The following TBC1D19 variants were observed in gnomAD, a reference collection of about 807,000 sequenced individuals.
The protein encoded by TBC1D19 is TBC1 domain family member 19, also known as TBC1 domain family, member 19.
TBC1D19 carries 60 observed loss-of-function variants against 89.0 expected under a neutral mutation model. That is an observed-to-expected ratio of 0.67 (90% CI 0.55 to 0.84). TBC1D19 has a LOEUF of 0.84. Ranked by LOEUF, TBC1D19 falls within the 40% of genes least tolerant of loss-of-function variation. The pLI, the probability that TBC1D19 is intolerant of heterozygous loss-of-function variation, is 0.00. For synonymous variants in TBC1D19, 189 were observed against 199.7 expected (o/e 0.95, Z 0.45); for missense variants, 500 against 610.8 (o/e 0.82, Z 1.91).
chr4:26,653,470 G>A (rs897064689), intron 7 of TBC1D19, among the ~76,000 whole-genome samples: 3 of 152,082 alleles, frequency 2.0e-5, no homozygotes, highest in Admixed American at 6.6e-5. Context: ...GTTGACAGTG[G>A]GGTGTTAAAG....
the TBC1D19 span, among the ~76,000 whole-genome samples, chr4:26,835,861 T>C: frequency 1.2e-4 from 19 of 152,306 alleles, no homozygotes; most frequent in African/African-American, 4.6e-4. Flanking sequence ...TGTTCTGTGA[T>C]GCCTATTTTC....
chr4:26,629,061 C>G (rs1742623135), intron 4 of TBC1D19, among the ~76,000 whole-genome samples: 1 of 152,020 alleles, frequency 6.6e-6, no homozygotes, highest in African/African-American at 2.4e-5. Flanking sequence ...TCTTCCCCAA[C>G]CTGCCATGCA....
At position 26,648,895 on chromosome 4, in the gene TBC1D19, G is replaced by A. The variant is rs564574844; in HGVS notation, c.480+8708G>A. On this transcript the variant is annotated intron_variant, in intron 7 of 20. Transcript: ENST00000264866. ...TCGTAACATTGTTTCTTTGAGGACA[G>A]TTCCTTAATTGATCTTTTATTACTC... Among the ~76,000 whole-genome samples the A allele has an allele frequency of 6.2e-4, 95 of 152,102 alleles. 2 individuals carry two copies. The highest frequency in any genetic ancestry group is 2.1e-3 in the African/African-American group (88 of 41,558).
At chr4:26,837,328 T>A in the TBC1D19 span, among the ~76,000 whole-genome samples, 1 of 152,116 alleles carries the variant, frequency 6.6e-6, no homozygotes, top group South Asian at 2.1e-4. Flanking sequence ...GTGAGTGTGA[T>A]GAGTTGGAAA....
chr4:26,804,956 A>G, the TBC1D19 span, among the ~76,000 whole-genome samples: 330 of 152,324 alleles, frequency 2.2e-3, no homozygotes, highest in African/African-American at 7.5e-3. Context: ...AGTCAGCCCC[A>G]GACAATAAAG....
chr4:26,683,768 A>T lies in TBC1D19; in HGVS notation c.891+19A>T. ...CTATAAAGTAAGTAAAAGTCAGCTTAGTTTTTCCTTTTCATTAATATAATT... is the reference window on the plus strand; with the variant it reads ...CTATAAAGTAAGTAAAAGTCAGCTTTGTTTTTCCTTTTCATTAATATAATT... On this transcript the variant is annotated intron_variant, in intron 12 of 20. Transcript: ENST00000264866. The T allele has an allele frequency of 6.3e-7, 1 of 1,593,254 alleles. No homozygotes were observed. The highest frequency in any genetic ancestry group is 8.5e-7 in the Non-Finnish European group (1 of 1,169,924).
chr4:26,622,458 C>G (rs1168372615), intron 4 of TBC1D19, among the ~76,000 whole-genome samples: 1 of 151,960 alleles, frequency 6.6e-6, no homozygotes, highest in Non-Finnish European at 1.5e-5. Context: ...TTAGAGCTTA[C>G]TGCTAGCTGC....
At chr4:26,783,170 G>A in the TBC1D19 span, among the ~76,000 whole-genome samples, 9,604 of 152,134 alleles carry the variant, frequency 0.063, 1,036 homozygotes, top group African/African-American at 0.22. Context: ...ATCCTCTGTC[G>A]TCATCTTGAG....
At chr4:26,707,350 C>A (rs1418027505) in intron 13 of TBC1D19, among the ~76,000 whole-genome samples, 1 of 152,032 alleles carries the variant, frequency 6.6e-6, no homozygotes, top group Non-Finnish European at 1.5e-5. Flanking sequence ...TAAGTACAGT[C>A]ACCTTGCTCT....
At chr4:26,787,984 T>C in the TBC1D19 span, among the ~76,000 whole-genome samples, 6 of 152,160 alleles carry the variant, frequency 3.9e-5, no homozygotes, top group Non-Finnish European at 5.9e-5. Context: ...AAGAAGCAAG[T>C]GATTTTTAAA....
the TBC1D19 span, among the ~76,000 whole-genome samples, chr4:26,815,152 A>T: frequency 6.6e-6 from 1 of 152,274 alleles, no homozygotes; most frequent in Admixed American, 6.5e-5. Context: ...TCAAACAGGA[A>T]TCTGCTGTGG....
At chr4:26,712,359 A>G (rs2109247309) in intron 13 of TBC1D19, among the ~76,000 whole-genome samples, 1 of 152,126 alleles carries the variant, frequency 6.6e-6, no homozygotes, top group East Asian at 1.9e-4. Flanking sequence ...TATAGAACCT[A>G]GAGTGCCCTT....
At chr4:26,593,302 C>A (rs1275398778) in intron 1 of TBC1D19, among the ~76,000 whole-genome samples, 1 of 152,192 alleles carries the variant, frequency 6.6e-6, no homozygotes, top group Non-Finnish European at 1.5e-5. Flanking sequence ...AAAGCTGAAA[C>A]TGGATCCCTT....
At chr4:26,681,890 C>A (rs1713378042) in intron 11 of TBC1D19, among the ~76,000 whole-genome samples, 1 of 152,046 alleles carries the variant, frequency 6.6e-6, no homozygotes, top group South Asian at 2.1e-4. Context: ...CACAAACGCC[C>A]AACTATGATT....
chr4:26,594,636 G>A (rs200651441), intron 1 of TBC1D19, among the ~76,000 whole-genome samples: 1 of 152,096 alleles, frequency 6.6e-6, no homozygotes, highest in East Asian at 1.9e-4. Flanking sequence ...TTGAATAACT[G>A]TCTTTATTTC....
intron 4 of TBC1D19, among the ~76,000 whole-genome samples, chr4:26,633,088 C>T (rs1430828283): frequency 6.6e-6 from 1 of 152,114 alleles, no homozygotes; most frequent in African/African-American, 2.4e-5. Context: ...GTCTGTACAA[C>T]ATCTGGAAAC....
At chr4:26,775,442 A>C in the TBC1D19 span, among the ~76,000 whole-genome samples, 6 of 152,382 alleles carry the variant, frequency 3.9e-5, 1 homozygote, top group South Asian at 1.0e-3. Flanking sequence ...CAACAGAGCG[A>C]GACTCTGTCT....
chr4:26,624,430 G>T (rs1457935295), intron 4 of TBC1D19, among the ~76,000 whole-genome samples: 2 of 152,058 alleles, frequency 1.3e-5, no homozygotes, highest in African/African-American at 4.8e-5. Flanking sequence ...AGGCTGGAGT[G>T]CAGTGGTATG....
At chr4:26,855,149 G>A in the TBC1D19 span, among the ~76,000 whole-genome samples, 1 of 152,136 alleles carries the variant, frequency 6.6e-6, no homozygotes, top group Non-Finnish European at 1.5e-5. Flanking sequence ...CTTCACTGGG[G>A]TTGAAGGAAT....
Sources: gnomAD v4.1 joint callset for allele counts (sites outside exome capture counted in the v4.1 genomes callset) on GRCh38, gnomAD v4.1.1 for gene constraint, MANE v1.5 for transcripts, NCBI Gene and HGNC (gene_info 2026-07-23, HGNC 2026-07-21) for gene names.